AKAP13: variants seen among roughly 807,000 people sequenced by gnomAD.
The protein encoded by AKAP13 is A-kinase anchoring protein 13.
A neutral mutation model predicts 264.5 loss-of-function variants in AKAP13; 80 were observed. That is an observed-to-expected ratio of 0.30 (90% CI 0.25 to 0.36). The LOEUF is 0.36. Ranked by LOEUF, AKAP13 falls within the 10% of genes least tolerant of loss-of-function variation. The pLI is 1.00. For missense variants in AKAP13, 3,712 were observed against 3,435.2 expected (o/e 1.08, Z -2.01); for synonymous variants, 1,380 against 1,250.2 (o/e 1.10, Z -2.19).
chr15:85,735,203 C>T, intron 31 of AKAP13, 53 bp downstream of exon 31: 1 of 1,577,648 alleles, frequency 6.3e-7, no homozygotes, highest in South Asian at 1.2e-5. Context: ...CTATCTCACA[C>T]AACTCAAAAT....
chr15:85,407,550 C>T (rs1440265106), intron 1 of AKAP13, among the ~76,000 whole-genome samples: 1 of 151,538 alleles, frequency 6.6e-6, no homozygotes, highest in African/African-American at 2.4e-5. Context: ...TGTGCTGGGT[C>T]TTAAAGCATG....
In AKAP13 at chr15:85,743,640, G is replaced by T; in HGVS notation, c.8207G>T (p.Arg2736Leu). ...TCCCCAAAAAGGAACAGCATCTCTC[G>T]GACACACAAAGATAAGGGGCCTTTT... Reference protein sequence around the residue: ...SVSPKRNSISRTHKDKGPFHI... With the variant: ...SVSPKRNSISLTHKDKGPFHI... Residue 2736 changes from arginine (R) to leucine (L), a missense_variant, in exon 36 of 37, where the codon CGG becomes CTG. Arg to Leu is a moderately radical substitution (Grantham distance 102). Transcript: ENST00000394518. 6.2e-7 allele frequency: 1 copy of T among 1,614,064 alleles called. No homozygotes were observed. Among genetic ancestry groups the T allele is most frequent in the South Asian group, 1.1e-5 (1 of 91,070 alleles).
chr15:85,401,376 C>T (rs750320276), intron 1 of AKAP13, among the ~76,000 whole-genome samples: 11 of 152,106 alleles, frequency 7.2e-5, no homozygotes, highest in Non-Finnish European at 1.2e-4. Context: ...ATTTTGAGGA[C>T]GTCTCCTCTG....
chr15:85,592,970 T>A (rs12903140), intron 8 of AKAP13, among the ~76,000 whole-genome samples: 1 of 152,202 alleles, frequency 6.6e-6, no homozygotes, highest in South Asian at 2.1e-4. Context: ...CTTTGTGTAA[T>A]GGTTAATCTC....
At chr15:85,507,480 T>C (rs1322116526) in intron 2 of AKAP13, among the ~76,000 whole-genome samples, 1 of 152,004 alleles carries the variant, frequency 6.6e-6, no homozygotes, top group African/African-American at 2.4e-5. Flanking sequence ...ACAGATAAAG[T>C]TTGCCAATCC....
chr15:85,462,843 T>C (rs1316336963), intron 1 of AKAP13, among the ~76,000 whole-genome samples: 3 of 150,516 alleles, frequency 2.0e-5, no homozygotes, highest in Admixed American at 2.0e-4. Flanking sequence ...GCTAAAATGA[T>C]GAAACCCCGT....
At chr15:85,389,400 TC>T (rs1026014081) in intron 1 of AKAP13, among the ~76,000 whole-genome samples, 6 of 152,196 alleles carry the variant, frequency 3.9e-5, no homozygotes, top group African/African-American at 7.2e-5. Context: ...TCTCATTTGT[TC>T]CCTTCTCTTT....
chr15:85,721,933 A>T lies in AKAP13; in HGVS notation c.6253-58A>T, dbSNP rs1277275098. On this transcript the variant is annotated intron_variant, in intron 23 of 36. Transcript: ENST00000394518. ...ACAACTAGACTGGAAACATTTTACA[A>T]AATGGTATTATGAGTTTGGCGCCCC... The T allele has an allele frequency of 5.0e-6, 8 of 1,596,902 alleles. No individual in the cohort carries two copies. In the Admixed American group the frequency reaches 1.2e-4, roughly 25 times the overall value.
intron 5 of AKAP13, among the ~76,000 whole-genome samples, chr15:85,560,646 T>C (rs1303283595): frequency 1.4e-5 from 2 of 143,660 alleles, no homozygotes; most frequent in Non-Finnish European, 3.0e-5. Context: ...TTTATAAATA[T>C]TTTTGAGGCC....
intron 1 of AKAP13, among the ~76,000 whole-genome samples, chr15:85,423,294 G>T (rs374434511): frequency 6.6e-6 from 1 of 152,260 alleles, no homozygotes; most frequent in East Asian, 1.9e-4. Context: ...TTTGCCCACA[G>T]TAGAAACTCA....
intron 2 of AKAP13, among the ~76,000 whole-genome samples, chr15:85,493,842 C>T (rs1268892116): frequency 2.0e-5 from 3 of 152,064 alleles, no homozygotes; most frequent in African/African-American, 2.4e-5. Flanking sequence ...AAGCCAAGCA[C>T]ATGAAGGAAA....
At chr15:85,720,177 C>G (rs755110937) in intron 23 of AKAP13, among the ~76,000 whole-genome samples, 2 of 151,628 alleles carry the variant, frequency 1.3e-5, no homozygotes, top group African/African-American at 4.8e-5. Flanking sequence ...AAAGTTGCAG[C>G]GAGCCATGGT....
intron 8 of AKAP13, among the ~76,000 whole-genome samples, chr15:85,626,472 C>G (rs994029292): frequency 6.6e-6 from 1 of 151,982 alleles, no homozygotes; most frequent in African/African-American, 2.4e-5. Flanking sequence ...TTTGACTGCT[C>G]TAGGTACTAA....
chr15:85,721,851 G>A, intron 23 of AKAP13, 140 bp from the exon 24 acceptor site: 1 of 1,369,506 alleles, frequency 7.3e-7, no homozygotes, highest in Non-Finnish European at 9.8e-7. Flanking sequence ...GCTTTCCAAA[G>A]CTGCTGCACC....
intron 8 of AKAP13, among the ~76,000 whole-genome samples, chr15:85,634,300 TCAG>T (rs1452642170): frequency 6.6e-6 from 1 of 152,248 alleles, no homozygotes; most frequent in Non-Finnish European, 1.5e-5. Flanking sequence ...TTGATCTTTG[TCAG>T]CAGAAGAGTT....
At chr15:85,516,403 T>G (rs910106538) in intron 2 of AKAP13, among the ~76,000 whole-genome samples, 2 of 152,230 alleles carry the variant, frequency 1.3e-5, no homozygotes, top group Non-Finnish European at 2.9e-5. Flanking sequence ...CAGGTTGGTG[T>G]CAGAGATCAT....
chr15:85,684,899 G>A (rs769950739), intron 16 of AKAP13, 26 bp downstream of exon 16: 24 of 1,611,136 alleles, frequency 1.5e-5, no homozygotes, highest in African/African-American at 2.7e-5. Flanking sequence ...GGCATTGCTT[G>A]TGATCACCTC....
At chr15:85,440,924 G>C (rs2073619015) in intron 1 of AKAP13, among the ~76,000 whole-genome samples, 1 of 152,122 alleles carries the variant, frequency 6.6e-6, no homozygotes, top group Admixed American at 6.5e-5. Context: ...TCACTGTAGG[G>C]ACTGATATAG....
chr15:85,442,560 A>T (rs2073746201), intron 1 of AKAP13, among the ~76,000 whole-genome samples: 1 of 138,142 alleles, frequency 7.2e-6, no homozygotes, highest in Non-Finnish European at 1.5e-5. Flanking sequence ...ATTTATTTCT[A>T]GCATGAGAAT....
Sources: gnomAD v4.1 joint callset for allele counts (sites outside exome capture counted in the v4.1 genomes callset) on GRCh38, gnomAD v4.1.1 for gene constraint, MANE v1.5 for transcripts, NCBI Gene and HGNC (gene_info 2026-07-23, HGNC 2026-07-21) for gene names.